EXOC2: variants seen among roughly 807,000 people sequenced by gnomAD.
EXOC2 encodes the protein SEC5-like 1.
In EXOC2, 70 loss-of-function variants were observed where a neutral mutation model predicts 131.8. The ratio of observed to expected loss-of-function variants is 0.53; its 90% CI spans 0.44 to 0.65. The LOEUF is 0.65. Ranked by LOEUF, EXOC2 falls within the 30% of genes least tolerant of loss-of-function variation. The pLI is 0.00. For synonymous variants in EXOC2, 411 were observed against 398.4 expected (o/e 1.03, Z -0.38); for missense variants, 923 against 1,108.6 (o/e 0.83, Z 2.38).
At chr6:539,287 T>C (rs944117642) in intron 22 of EXOC2, among the ~76,000 whole-genome samples, 4 of 152,208 alleles carry the variant, frequency 2.6e-5, no homozygotes, top group Admixed American at 6.5e-5. Flanking sequence ...AAAAGGCGTA[T>C]GCTGGAGGCA....
intron 23 of EXOC2, among the ~76,000 whole-genome samples, chr6:504,384 C>A (rs1048017683): frequency 2.0e-5 from 3 of 152,214 alleles, no homozygotes; most frequent in Non-Finnish European, 2.9e-5. Context: ...GGATGAGTTT[C>A]AAAGGACCTC....
At chr6:597,065 T>C (rs542616443) in intron 10 of EXOC2, among the ~76,000 whole-genome samples, 26 of 152,278 alleles carry the variant, frequency 1.7e-4, no homozygotes, top group East Asian at 3.9e-4. Context: ...AACCGAAAAA[T>C]AGAACTCAAG....
intron 2 of EXOC2, among the ~76,000 whole-genome samples, chr6:634,335 T>C (rs559245073): frequency 1.3e-5 from 2 of 152,348 alleles, no homozygotes; most frequent in Admixed American, 1.3e-4. Flanking sequence ...TCCACCTGCC[T>C]TGGCCTCCCA....
At chr6:599,032 A>G (rs769597851) in intron 8 of EXOC2, 48 bp downstream of exon 8, 2 of 1,569,192 alleles carry the variant, frequency 1.3e-6, no homozygotes, top group South Asian at 2.4e-5. Flanking sequence ...AATCTTAAAA[A>G]TGTATGACAT....
chr6:623,384 T>C (rs1172483114), intron 4 of EXOC2, among the ~76,000 whole-genome samples: 3 of 152,240 alleles, frequency 2.0e-5, no homozygotes, highest in African/African-American at 7.2e-5. Context: ...AAGACGGAGC[T>C]GATTATTCTG....
intron 11 of EXOC2, among the ~76,000 whole-genome samples, chr6:590,337 T>A (rs1323550076): frequency 2.0e-5 from 3 of 152,174 alleles, no homozygotes; most frequent in African/African-American, 7.2e-5. Context: ...GATGTTGACA[T>A]GGCTTCAGCA....
intron 10 of EXOC2, 62 bp from the exon 11 acceptor site, chr6:592,649 C>G (rs529757024): frequency 7.7e-7 from 1 of 1,297,102 alleles, no homozygotes; most frequent in Non-Finnish European, 1.1e-6. Context: ...AAAATCATTA[C>G]TTTTTAAAGG....
intron 1 of EXOC2, among the ~76,000 whole-genome samples, chr6:687,128 G>A (rs1318242557): frequency 7.0e-6 from 1 of 142,816 alleles, no homozygotes; most frequent in Non-Finnish European, 1.5e-5. Context: ...CAGAAAGACA[G>A]ATCACCTGAA....
At chr6:579,188 T>G (rs1483709573) in intron 11 of EXOC2, among the ~76,000 whole-genome samples, 1 of 152,186 alleles carries the variant, frequency 6.6e-6, no homozygotes, top group Non-Finnish European at 1.5e-5. Flanking sequence ...TACAATTATT[T>G]CAGAAAAAGT....
intron 25 of EXOC2, among the ~76,000 whole-genome samples, chr6:491,850 G>C (rs1183899295): frequency 6.6e-6 from 1 of 152,170 alleles, no homozygotes; most frequent in Non-Finnish European, 1.5e-5. Context: ...TTTAAATATT[G>C]TATACCCTCA....
At chr6:619,565 A>G (rs1761181555) in intron 4 of EXOC2, 22 bp from the exon 5 acceptor site, 1 of 1,531,386 alleles carries the variant, frequency 6.5e-7, no homozygotes, top group Non-Finnish European at 9.0e-7. Flanking sequence ...AAACGTTTAA[A>G]ATATATTTCA....
At chr6:580,735 G>T (rs1758845243) in intron 11 of EXOC2, among the ~76,000 whole-genome samples, 1 of 151,922 alleles carries the variant, frequency 6.6e-6, no homozygotes, top group African/African-American at 2.4e-5. Flanking sequence ...TAAAGATTAG[G>T]GCTTTATACT....
At chr6:605,504 T>C (rs1467109660) in intron 7 of EXOC2, among the ~76,000 whole-genome samples, 1 of 152,236 alleles carries the variant, frequency 6.6e-6, no homozygotes, top group African/African-American at 2.4e-5. Flanking sequence ...GTGTTTATAG[T>C]ATTCTCTGAT....
intron 12 of EXOC2, among the ~76,000 whole-genome samples, chr6:575,974 A>T (rs1478817810): frequency 1.3e-5 from 2 of 152,232 alleles, no homozygotes; most frequent in Non-Finnish European, 2.9e-5. Context: ...AGTACAAATG[A>T]ATCATCTAAT....
At position 538,407 on chromosome 6, in the gene EXOC2, A is replaced by G. The variant is rs1481003890; in HGVS notation, c.2239-5797T>C. On this transcript the variant is annotated intron_variant, in intron 22 of 27. Coordinates refer to ENST00000230449, the MANE Select transcript of EXOC2 (RefSeq NM_018303.6). ...CAAGGGTCAGATCCATCTACCATTA[A>G]TCGCTATCTGAGAGTGAGGAAGAAA... Among the ~76,000 whole-genome samples the G allele has an allele frequency of 2.0e-5, 3 of 152,360 alleles. No homozygotes were observed. The South Asian group carries it at 6.2e-4, about 32-fold the overall frequency.
intron 1 of EXOC2, chr6:679,401 C>G (rs895263421): frequency 6.6e-6 from 1 of 152,192 alleles, no homozygotes; most frequent in Non-Finnish European, 1.5e-5. Flanking sequence ...GGTTCCACCG[C>G]TGGCCTATTA....
chr6:506,352 G>A lies in EXOC2; in HGVS notation c.2381-6652C>T, dbSNP rs117830401. 7.1e-4 allele frequency among the ~76,000 whole-genome samples: 108 copies of A among 152,318 alleles called. No homozygotes were observed. The East Asian group carries it at 0.019, about 26-fold the overall frequency. ...TCAGTTTGTGCTCCAACAACAGTGG[G>A]CCATACAATGCCAAATGTATGGTGC... On this transcript the variant is annotated intron_variant, in intron 23 of 27. Transcript: ENST00000230449. This position sits in a 1 kb window ranked among gnomAD's most constrained non-coding sequence, Gnocchi z 4.4.
chr6:666,748 G>C lies in EXOC2; in HGVS notation c.-44+26271C>G, dbSNP rs938770618. On this transcript the variant is annotated intron_variant, in intron 1 of 27. Transcript: ENST00000230449. ...GGGCTCTTTGTGTGGTACATTCTAT[G>C]AGTTTTGACAAATGTATAACTTATC... Among the ~76,000 whole-genome samples the C allele has an allele frequency of 9.3e-5, 9 of 96,936 alleles. 1 individual carries two copies. The highest frequency in any genetic ancestry group is 2.8e-4 in the African/African-American group (9 of 32,682). The allele number at this position is 96,936 out of a possible 152,430, so 63.6% of individuals were successfully genotyped here.
intron 6 of EXOC2, among the ~76,000 whole-genome samples, chr6:613,273 T>C (rs541106460): frequency 7.8e-4 from 118 of 152,244 alleles, no homozygotes; most frequent in African/African-American, 2.8e-3. Flanking sequence ...CTAATTAAAA[T>C]ACCTGTGGGG....
Sources: gnomAD v4.1 joint callset for allele counts (sites outside exome capture counted in the v4.1 genomes callset) on GRCh38, gnomAD v4.1.1 for gene constraint, Gnocchi (gnomAD v3.1) non-coding constraint, MANE v1.5 for transcripts, NCBI Gene and HGNC (gene_info 2026-07-23, HGNC 2026-07-21) for gene names.